C17orf75: variants seen among roughly 807,000 people sequenced by gnomAD.
C17orf75 encodes the protein chromosome 17 open reading frame 75, also known as protein Njmu-R1.
A neutral mutation model predicts 49.6 loss-of-function variants in C17orf75; 32 were observed. That is an observed-to-expected ratio of 0.65 (90% CI 0.49 to 0.87). The LOEUF is 0.87. C17orf75 is among the 40% of genes least tolerant of loss of function. The pLI is 0.00. For missense variants in C17orf75, 428 were observed against 473.9 expected, an observed-to-expected ratio of 0.90 and a Z score of 0.90; for synonymous variants, 158 against 159.5, an observed-to-expected ratio of 0.99 and a Z score of 0.07.
At chr17:32,334,965 G>T in intron 6 of C17orf75, 126 bp from the exon 7 acceptor site, 1 of 728,502 alleles carries the variant, frequency 1.4e-6, no homozygotes. Flanking sequence ...CTGGTCACAA[G>T]CTCTCCAGAG....
At chr17:32,342,291 G>C, upstream of C17orf75, 1 of 1,284,276 alleles carries the variant, frequency 7.8e-7, no homozygotes, top group Non-Finnish European at 1.0e-6. Flanking sequence ...GGCCTGGAAA[G>C]GGAGTCTCTT....
chr17:32,343,954 T>C, upstream of C17orf75: 1 of 684,376 alleles, frequency 1.5e-6, no homozygotes, highest in Non-Finnish European at 2.7e-6. Flanking sequence ...AGCCATCTCC[T>C]AGAAACACTT....
chr17:32,342,234 C>G (rs1322641881), upstream of C17orf75: 8 of 1,383,300 alleles, frequency 5.8e-6, no homozygotes, highest in Non-Finnish European at 7.5e-6. Context: ...TCCCGGCCCT[C>G]GCACACCTGC....
At chr17:32,339,635 C>G (rs765891960) in intron 3 of C17orf75, among the ~76,000 whole-genome samples, 178 bp downstream of exon 3, 1 of 152,120 alleles carries the variant, frequency 6.6e-6, no homozygotes. Flanking sequence ...GCCAGGGTCT[C>G]TGCCATTCAA....
At chr17:32,342,280 T>C (rs891341290), upstream of C17orf75, 3 of 1,329,540 alleles carry the variant, frequency 2.3e-6, no homozygotes, top group Admixed American at 3.5e-5. Flanking sequence ...AGGCAAGGAC[T>C]GGCCTGGAAA....
At chr17:32,345,489 G>A (rs1367642664), upstream of C17orf75, among the ~76,000 whole-genome samples, 1 of 151,516 alleles carries the variant, frequency 6.6e-6, no homozygotes, top group Non-Finnish European at 1.5e-5. Flanking sequence ...GGGGAAAAAA[G>A]AAATAGAATT....
chr17:32,339,893 C>T lies in C17orf75; in HGVS notation c.267G>A (p.Glu89=), dbSNP rs771833158. Residue 89 remains glutamate, a synonymous_variant, in exon 3 of 10, where the codon GAG becomes GAA. Coordinates refer to ENST00000577809, the MANE Select transcript of C17orf75 (RefSeq NM_022344.4). ...GACGCTTAGCAATGAAACTGCGCAG[C>T]TCTGGCTCCACTTCGGATGGTAGAT... The part of the protein sequence containing the change: ...DTNLPSEVEP[E]LRSFIAKRLS... The T allele has an allele frequency of 6.2e-7, 1 of 1,614,016 alleles. No homozygotes were observed. Among genetic ancestry groups the T allele is most frequent in the Non-Finnish European group, 8.5e-7 (1 of 1,179,878 alleles).
At chr17:32,344,291 G>GCCCA (rs1208696532), upstream of C17orf75, among the ~76,000 whole-genome samples, 2 of 152,150 alleles carry the variant, frequency 1.3e-5, no homozygotes, top group African/African-American at 4.8e-5. Context: ...GAGCCACCAT[G>GCCCA]CCCAGGTGGT....
intron 5 of C17orf75, 82 bp downstream of exon 5, chr17:32,337,815 C>G (rs938459760): frequency 7.7e-7 from 1 of 1,290,430 alleles, no homozygotes; most frequent in African/African-American, 1.5e-5. Context: ...CCTCGGCCTC[C>G]CAAAGTGCTG....
intron 5 of C17orf75, among the ~76,000 whole-genome samples, chr17:32,335,996 G>C (rs2041321658): frequency 6.6e-6 from 1 of 152,148 alleles, no homozygotes; most frequent in Non-Finnish European, 1.5e-5. Flanking sequence ...TGGCTTTCTA[G>C]GCTATACTGC....
At chr17:32,349,935 A>G (rs2041468446) in intron 1 of C17orf75, 1 of 1,112,996 alleles carries the variant, frequency 9.0e-7, no homozygotes, top group African/African-American at 1.6e-5. Context: ...CATGCCCCTT[A>G]GCGTACCTGG....
upstream of C17orf75, among the ~76,000 whole-genome samples, chr17:32,346,899 T>A (rs540587693): frequency 3.9e-5 from 6 of 152,330 alleles, no homozygotes; most frequent in South Asian, 1.2e-3. Context: ...TTTATGGTGC[T>A]GTAACAAACA....
exon 1 of C17orf75, chr17:32,350,001 A>C: frequency 7.6e-7 from 1 of 1,308,178 alleles, no homozygotes; most frequent in African/African-American, 1.5e-5. Flanking sequence ...CAGCCAGCGA[A>C]AGCGAAAAAC....
intron 8 of C17orf75, 101 bp downstream of exon 8, chr17:32,334,368 C>T (rs2041305118): frequency 7.2e-7 from 1 of 1,383,624 alleles, no homozygotes; most frequent in South Asian, 1.6e-5. Context: ...CCATGTAAAA[C>T]TGCACAAGGC....
intron 9 of C17orf75, among the ~76,000 whole-genome samples, 183 bp from the exon 10 acceptor site, chr17:32,332,161 TTTTCTTG>T (rs1567801488): frequency 6.6e-6 from 1 of 152,196 alleles, no homozygotes; most frequent in African/African-American, 2.4e-5. Flanking sequence ...ATCTCCTTTT[TTTTCTTG>T]TTTCGCTCTT....
chr17:32,344,269 C>T, upstream of C17orf75: 1 of 311,716 alleles, frequency 3.2e-6, no homozygotes, highest in Non-Finnish European at 6.0e-6. Context: ...GAAGTGCTGA[C>T]ATTACAGGTG....
chr17:32,348,355 A>G (rs1004448264), intron 1 of C17orf75, among the ~76,000 whole-genome samples: 22 of 152,252 alleles, frequency 1.4e-4, no homozygotes, highest in African/African-American at 5.1e-4. Context: ...AATTTAATTC[A>G]GCTCCACACA....
rs368132290 is a variant in C17orf75, at chr17:32,340,291, C to T, written c.222-353G>A. On this transcript the variant is annotated intron_variant, in intron 2 of 9. Transcript: ENST00000577809. ...GTCATTATAATCACACCCCTGCACACATTCTTATCTTTTTTATCTTTCAAC... is the reference window on the plus strand; with the variant it reads ...GTCATTATAATCACACCCCTGCACATATTCTTATCTTTTTTATCTTTCAAC... Among the ~76,000 whole-genome samples, 5 of 152,258 alleles carry T rather than the reference C, an allele frequency of 3.3e-5. No individual in the cohort carries two copies. The East Asian group carries it at 9.7e-4, about 29-fold the overall frequency.
At chr17:32,344,073 A>C (rs1420152276), upstream of C17orf75, 2 of 589,320 alleles carry the variant, frequency 3.4e-6, no homozygotes, top group East Asian at 2.9e-5. Flanking sequence ...GCACAGGTCC[A>C]TATCAAGGAA....
Sources: gnomAD v4.1 joint callset for allele counts (sites outside exome capture counted in the v4.1 genomes callset) on GRCh38, gnomAD v4.1.1 for gene constraint, MANE v1.5 for transcripts, NCBI Gene and HGNC (gene_info 2026-07-23, HGNC 2026-07-21) for gene names.